Variants in ZNF91 observed in about 807,000 individuals in gnomAD.
The protein encoded by ZNF91 is zinc finger protein 91.
In ZNF91, 7 loss-of-function variants were observed where a neutral mutation model predicts 12.6. That is an observed-to-expected ratio of 0.55 (90% confidence interval 0.31 to 1.04). The LOEUF (loss-of-function observed/expected upper bound fraction) is 1.04. Ranked by LOEUF, ZNF91 falls within the 50% of genes least tolerant of loss-of-function variation. The probability of loss-of-function intolerance (pLI) is 0.05; values close to 1 mark genes in which losing one functional copy is unlikely to be tolerated. For missense variants in ZNF91, 1,217 were observed against 1,385.4 expected (o/e 0.88, Z 1.93); for synonymous variants, 453 against 462.6 (o/e 0.98, Z 0.27).
rs774393460 is a variant in ZNF91 at position 23,359,756 on chromosome 19, C to A, written c.3223G>T (p.Glu1075Ter). 1.2e-6 allele frequency: 2 copies of A among 1,613,916 alleles called. No homozygotes were observed. Among genetic ancestry groups the A allele is most frequent in the Non-Finnish European group, 1.7e-6 (2 of 1,179,982 alleles). ...CATTCTTCACATTTGTAGGGTTTCT[C>A]TCTAGTATGAATTCTCTTATGTCCA... ...LNGHKRIHTR[E>*]KPYKCEECGK... The change falls in exon 4 of 4, where the codon GAG (glutamate) becomes TAG (stop). Residue 1075 changes from glutamate (E) to a stop codon, truncating the protein, a stop_gained. Transcript: ENST00000300619. LOFTEE classifies it low-confidence loss of function (END_TRUNC).
intron 1 of ZNF91, among the ~76,000 whole-genome samples, chr19:23,320,900 T>C (rs1375157413): frequency 1.3e-5 from 2 of 152,208 alleles, no homozygotes; most frequent in African/African-American, 4.8e-5. Flanking sequence ...TTGACTCTCA[T>C]ACATGGATTT....
intron 1 of ZNF91, among the ~76,000 whole-genome samples, chr19:23,322,227 T>C (rs576698251): frequency 6.6e-6 from 1 of 152,306 alleles, no homozygotes; most frequent in African/African-American, 2.4e-5. Flanking sequence ...TCTGGGGCTC[T>C]CAAACCTAGG....
At position 23,359,056 on chromosome 19, in the gene ZNF91, T is replaced by A; in HGVS notation, c.*347A>T. 7.4e-6 allele frequency: 4 copies of A among 540,370 alleles called. No individual in the cohort carries two copies. The highest frequency in any genetic ancestry group is 4.8e-5 in the East Asian group (1 of 21,048). 33.5% of individuals were successfully genotyped at this position (540,370 alleles called of 1,614,324 possible). A position where few individuals can be genotyped will look rare whatever the true frequency, so the allele number is the denominator to read the frequency against. The stretch of plus-strand genomic sequence containing the variant: ...GTAGGGTTGCTGTCCAGTATGAATT[T>A]TCTTATGTCTGGTTAGGGCTGAGGA... On this transcript the variant is annotated 3_prime_UTR_variant, in exon 4 of 4. Coordinates refer to ENST00000300619, the MANE Select transcript of ZNF91 (RefSeq NM_003430.4).
At chr19:23,354,086 A>G (rs1306572495), downstream of ZNF91, among the ~76,000 whole-genome samples, 1 of 152,212 alleles carries the variant, frequency 6.6e-6, no homozygotes, top group Non-Finnish European at 1.5e-5. Flanking sequence ...TCCCTAATTC[A>G]TTCTATGAGG....
In ZNF91 at chr19:23,373,367, TATATATATATATATATATAA is replaced by T. The variant is rs1036861407; in HGVS notation, c.253+355_253+374del. 3.3e-4 allele frequency among the ~76,000 whole-genome samples: 43 copies of T among 129,806 alleles called. 1 individual carries two copies. Among genetic ancestry groups the T allele is most frequent in the Non-Finnish European group, 6.0e-4 (36 of 60,060 alleles). The allele number at this position is 129,806 out of a possible 152,430, so 85.2% of individuals were successfully genotyped here. ...AATCTTATATATATATATATATATA[TATATATATATATATATATAA>T]ATAAACAGTACTTTAAAACCTGTTT... is the stretch of plus-strand genomic sequence containing the variant. On this transcript the variant is annotated intron_variant, in intron 3 of 3. Transcript: ENST00000300619.
intron 2 of ZNF91, among the ~76,000 whole-genome samples, chr19:23,374,196 TAAAC>T (rs1225097987): frequency 6.6e-6 from 1 of 152,014 alleles, no homozygotes; most frequent in Non-Finnish European, 1.5e-5. Context: ...AATTCTTTTC[TAAAC>T]AAACAAATCC....
Position 23,385,039 on chromosome 19 carries a change from T to C in ZNF91, c.31-10275A>G, listed in dbSNP as rs1969830611. The C allele has an allele frequency of 4.1e-6, 5 of 1,209,778 alleles. No individual in the cohort carries two copies. In the Admixed American group the frequency reaches 6.8e-5, roughly 16 times the overall value. 74.9% of individuals were successfully genotyped at this position (1,209,778 alleles called of 1,614,324 possible). ...CGGGACAGTCCACCAGGGAGACACC[T>C]CATGGGGCTCCAGCGGTTCCGCATC... On this transcript the variant is annotated intron_variant, in intron 1 of 3. Coordinates refer to ENST00000300619, the MANE Select transcript of ZNF91 (RefSeq NM_003430.4).
downstream of ZNF91, chr19:23,338,397 A>C (rs1200559853): frequency 6.6e-6 from 1 of 152,152 alleles, no homozygotes; most frequent in East Asian, 1.9e-4. Flanking sequence ...CTGCCAGCCA[A>C]AAATTTTATA....
chr19:23,333,170 C>T (rs1568371075), intron 1 of ZNF91, among the ~76,000 whole-genome samples: 1 of 152,148 alleles, frequency 6.6e-6, no homozygotes, highest in Non-Finnish European at 1.5e-5. Context: ...CCATATGAAA[C>T]CTCCTTTTGA....
chr19:23,322,485 C>T (rs1210933836), intron 1 of ZNF91, among the ~76,000 whole-genome samples: 3 of 152,154 alleles, frequency 2.0e-5, no homozygotes, highest in African/African-American at 7.2e-5. Flanking sequence ...GCATTGGCAA[C>T]GTCCACAGGT....
At chr19:23,334,693 T>C (rs1175884321), downstream of ZNF91, among the ~76,000 whole-genome samples, 1 of 152,192 alleles carries the variant, frequency 6.6e-6, no homozygotes, top group Non-Finnish European at 1.5e-5. Context: ...CGGACTTCTT[T>C]TCTCTCAAAA....
chr19:23,379,699 T>TTGAAGCTTAAGGTAGACTTGAA (rs1223464047), intron 1 of ZNF91, among the ~76,000 whole-genome samples: 1 of 152,294 alleles, frequency 6.6e-6, no homozygotes, highest in Non-Finnish European at 1.5e-5. Context: ...GCCAGGTGCC[T>TTGAAGCTTAAGGTAGACTTGAA]GCTTAAGGTA....
upstream of ZNF91, among the ~76,000 whole-genome samples, chr19:23,313,750 C>T (rs1967507759): frequency 6.6e-6 from 1 of 152,166 alleles, no homozygotes; most frequent in African/African-American, 2.4e-5. Flanking sequence ...GGATAATTGA[C>T]TCTCATACAT....
intron 1 of ZNF91, among the ~76,000 whole-genome samples, chr19:23,323,738 CTCCTCTCCTCTTTT>C (rs1967772853): frequency 8.2e-6 from 1 of 121,772 alleles, no homozygotes; most frequent in South Asian, 2.7e-4. Flanking sequence ...TCTCCTCATT[CTCCTCTCCTCTTTT>C]TCTCATTCTT....
chr19:23,357,077 A>C (rs1257599136), downstream of ZNF91, among the ~76,000 whole-genome samples: 2 of 152,192 alleles, frequency 1.3e-5, no homozygotes, highest in Non-Finnish European at 2.9e-5. Flanking sequence ...AAATACAAAA[A>C]TGAGCCGGGC....
intron 1 of ZNF91, among the ~76,000 whole-genome samples, chr19:23,392,511 G>C (rs1024780238): frequency 6.6e-6 from 1 of 151,532 alleles, no homozygotes; most frequent in Non-Finnish European, 1.5e-5. Context: ...CCAGGATATA[G>C]AACCAGGCAC....
chr19:23,316,980 A>G (rs12973739), intron 1 of ZNF91, among the ~76,000 whole-genome samples: 43,726 of 151,062 alleles, frequency 0.29, 6,651 homozygotes, highest in East Asian at 0.38. Flanking sequence ...TGTTTCCGTC[A>G]ACACAGACCA....
Position 23,361,739 on chromosome 19 carries a change from C to G in ZNF91, c.1240G>C (p.Ala414Pro), listed in dbSNP as rs1442104666. The G allele has an allele frequency of 6.2e-7, 1 of 1,610,894 alleles. No homozygotes were observed. The highest frequency in any genetic ancestry group is 2.2e-5 in the East Asian group (1 of 44,832). The change falls in exon 4 of 4, where the codon GCT (alanine) becomes CCT (proline). Residue 414 changes from alanine to proline, a missense_variant. Ala to Pro is a conservative substitution (Grantham distance 27). This residue lies in a region of ZNF91 where 726 missense variants were observed against 895.5 expected (regional missense o/e 0.81). Coordinates refer to ENST00000300619, the MANE Select transcript of ZNF91 (RefSeq NM_003430.4). The part of the protein sequence containing the change: ...KLYKCEECGK[A>P]FNRSSNLTIH... ...GTAAGATTTGAAGATCGATTAAAAGCTTTGCCACATTCTTCACATTTGTAG... is the reference window on the plus strand; with the variant it reads ...GTAAGATTTGAAGATCGATTAAAAGGTTTGCCACATTCTTCACATTTGTAG...
At chr19:23,313,320 T>C (rs1308794866), upstream of ZNF91, among the ~76,000 whole-genome samples, 2 of 152,214 alleles carry the variant, frequency 1.3e-5, no homozygotes, top group Non-Finnish European at 2.9e-5. Flanking sequence ...CCTGCCTTGG[T>C]GCTGCCCACA....
Sources: gnomAD v4.1 joint callset for allele counts (sites outside exome capture counted in the v4.1 genomes callset) on GRCh38, gnomAD v4.1.1 for gene constraint, gnomAD v4.1.1 regional missense constraint, MANE v1.5 for transcripts, NCBI Gene and HGNC (gene_info 2026-07-23, HGNC 2026-07-21) for gene names.